The following DPP10 variants were observed in gnomAD, a reference collection of about 807,000 sequenced individuals.
DPP10 encodes the protein inactive dipeptidyl peptidase 10.
DPP10 carries 33 observed loss-of-function variants against 120.9 expected under a neutral mutation model. That is an observed-to-expected ratio of 0.27 (90% CI 0.21 to 0.37). The LOEUF (loss-of-function observed/expected upper bound fraction) is 0.37. Among genes scored for constraint, DPP10 ranks in the 10% least tolerant of loss-of-function variants. The pLI is 1.00. For missense variants in DPP10, 816 were observed against 942.8 expected (o/e 0.87, Z 1.76); for synonymous variants, 337 against 326.1 (o/e 1.03, Z -0.36).
intron 1 of DPP10, among the ~76,000 whole-genome samples, chr2:115,091,916 C>T (rs138406814): frequency 6.0e-4 from 92 of 152,236 alleles, no homozygotes; most frequent in African/African-American, 2.0e-3. Context: ...AATCAACTTT[C>T]TTGGCAAAAG....
intron 12 of DPP10, 109 bp from the exon 13 acceptor site, chr2:115,768,184 CCTAA>C (rs1343234036): frequency 9.3e-6 from 8 of 861,444 alleles, no homozygotes; most frequent in South Asian, 4.5e-5. Flanking sequence ...TGCCCATTTT[CCTAA>C]CTAATTATAA....
At chr2:115,289,609 C>T (rs2105919347) in intron 1 of DPP10, among the ~76,000 whole-genome samples, 1 of 151,976 alleles carries the variant, frequency 6.6e-6, no homozygotes, top group South Asian at 2.1e-4. Context: ...TACTACCAGA[C>T]TATAGTAACC....
chr2:114,915,474 A>G (rs1408975940), intron 1 of DPP10, among the ~76,000 whole-genome samples: 3 of 152,232 alleles, frequency 2.0e-5, no homozygotes, highest in South Asian at 2.1e-4. Context: ...TAAGACCTCA[A>G]TGCAACACTT....
At chr2:115,787,030 T>C (rs1683420528) in intron 17 of DPP10, among the ~76,000 whole-genome samples, 1 of 152,216 alleles carries the variant, frequency 6.6e-6, no homozygotes, top group South Asian at 2.1e-4. Context: ...AGAAGTGTCC[T>C]GCCTTTTGTA....
intron 1 of DPP10, among the ~76,000 whole-genome samples, chr2:115,097,916 G>A (rs969694837): frequency 2.0e-5 from 3 of 152,144 alleles, no homozygotes; most frequent in Non-Finnish European, 4.4e-5. Context: ...GGACAGAAAT[G>A]GGTATGTAGG....
intron 5 of DPP10, among the ~76,000 whole-genome samples, chr2:115,610,338 T>C (rs2084005090): frequency 1.3e-5 from 2 of 152,074 alleles, no homozygotes; most frequent in South Asian, 4.1e-4. Flanking sequence ...ATGACTAGTC[T>C]TAGAGGGTAC....
chr2:114,469,493 G>A (rs1679722134), intron 1 of DPP10, among the ~76,000 whole-genome samples: 1 of 152,272 alleles, frequency 6.6e-6, no homozygotes, highest in African/African-American at 2.4e-5. Context: ...CATTTTGGGA[G>A]GTGGAGGCAG....
At chr2:114,897,712 G>C (rs1048901817) in intron 1 of DPP10, among the ~76,000 whole-genome samples, 31 of 152,212 alleles carry the variant, frequency 2.0e-4, no homozygotes, top group African/African-American at 5.8e-4. Context: ...CTTCTCAAAA[G>C]AAGACATTTA....
chr2:115,243,595 A>C (rs1221435793), intron 1 of DPP10, among the ~76,000 whole-genome samples: 1 of 152,132 alleles, frequency 6.6e-6, no homozygotes, highest in South Asian at 2.1e-4. Context: ...AGAAAATCTC[A>C]CCATGATCTT....
At chr2:114,661,301 A>G (rs1697384042) in intron 1 of DPP10, among the ~76,000 whole-genome samples, 1 of 152,218 alleles carries the variant, frequency 6.6e-6, no homozygotes, top group Non-Finnish European at 1.5e-5. Context: ...TTCTCTAGTA[A>G]GGAATCAAGG....
chr2:115,255,296 G>T (rs535823212), intron 1 of DPP10, among the ~76,000 whole-genome samples: 1 of 152,144 alleles, frequency 6.6e-6, no homozygotes, highest in Non-Finnish European at 1.5e-5. Context: ...CCTTTTAGCC[G>T]TGGCTGGAGT....
intron 1 of DPP10, among the ~76,000 whole-genome samples, chr2:114,663,312 A>G (rs1236206717): frequency 6.7e-6 from 1 of 150,090 alleles, no homozygotes. Flanking sequence ...ATACATACAC[A>G]TATATGTATG....
At chr2:115,506,326 T>A (rs1016103572) in intron 4 of DPP10, among the ~76,000 whole-genome samples, 4 of 152,138 alleles carry the variant, frequency 2.6e-5, no homozygotes, top group Admixed American at 6.6e-5. Flanking sequence ...CATTAAATGA[T>A]AATGACAGCT....
intron 1 of DPP10, among the ~76,000 whole-genome samples, chr2:114,629,023 A>G (rs1219621738): frequency 6.6e-6 from 1 of 152,156 alleles, no homozygotes; most frequent in Admixed American, 6.6e-5. Context: ...TTATTTCATC[A>G]TGACACATGA....
In DPP10 at chr2:115,777,252, C is replaced by A; in HGVS notation, c.1266C>A (p.Asn422Lys). The change falls in exon 14 of 26, where the codon AAC (asparagine) becomes AAA (lysine). Residue 422 changes from asparagine (N) to lysine (K), a missense_variant. Asn to Lys is a moderately conservative substitution (Grantham distance 94). Around this residue, in one of 3 missense-constraint regions of DPP10, gnomAD observed 592 missense variants for 649.0 expected, o/e 0.91. Transcript: ENST00000410059. ...CCGTGCGGCATCTGACATCAGGAAA[C>A]TGGGAAGTGATAAAGATCTTGGCAT... ...QITVRHLTSG[N>K]WEVIKILAYD... 1 of 1,613,134 alleles carries A rather than the reference C, an allele frequency of 6.2e-7. No individual in the cohort carries two copies. Among genetic ancestry groups the A allele is most frequent in the South Asian group, 1.1e-5 (1 of 91,064 alleles).
At chr2:114,762,137 A>C (rs1341074794) in intron 1 of DPP10, among the ~76,000 whole-genome samples, 1 of 152,220 alleles carries the variant, frequency 6.6e-6, no homozygotes, top group East Asian at 1.9e-4. Flanking sequence ...CCACCTTCTT[A>C]GCTTTAATTA....
chr2:115,231,100 T>C (rs555197956), intron 1 of DPP10, among the ~76,000 whole-genome samples: 1 of 152,166 alleles, frequency 6.6e-6, no homozygotes, highest in East Asian at 1.9e-4. Flanking sequence ...GTTCCCTACT[T>C]TTGTTATCCT....
At chr2:114,776,520 G>C (rs185984344) in intron 1 of DPP10, among the ~76,000 whole-genome samples, 1 of 152,072 alleles carries the variant, frequency 6.6e-6, no homozygotes, top group African/African-American at 2.4e-5. Context: ...AGGAGCTAGC[G>C]CTAGATCTGA....
chr2:115,104,820 A>C (rs939984883), intron 1 of DPP10, among the ~76,000 whole-genome samples: 1 of 152,148 alleles, frequency 6.6e-6, no homozygotes, highest in African/African-American at 2.4e-5. Flanking sequence ...ATCCTGGCCA[A>C]CATGGTGAAA....
Sources: allele counts gnomAD v4.1 joint callset (sites outside exome capture counted in the v4.1 genomes callset), GRCh38; gene constraint gnomAD v4.1.1; regional missense constraint gnomAD v4.1.1; transcripts MANE v1.5; gene names NCBI Gene and HGNC (gene_info 2026-07-23, HGNC 2026-07-21).